The following PCDHGA8 variants were observed in gnomAD, a reference collection of about 807,000 sequenced individuals.
The protein encoded by PCDHGA8 is protocadherin gamma-A8.
PCDHGA8 carries 45 observed loss-of-function variants against 59.2 expected under a neutral mutation model. The ratio of observed to expected loss-of-function variants is 0.76; its 90% CI spans 0.60 to 0.98. PCDHGA8 has a LOEUF of 0.98. Among genes scored for constraint, PCDHGA8 ranks in the 50% least tolerant of loss-of-function variants. PCDHGA8 has a pLI of 0.00. For synonymous variants in PCDHGA8, 531 were observed against 519.0 expected (o/e 1.02, Z -0.32); for missense variants, 1,257 against 1,196.2 (o/e 1.05, Z -0.75).
intron 1 of PCDHGA8, chr5:141,419,616 A>G (rs1291494618): frequency 6.2e-7 from 1 of 1,612,086 alleles, no homozygotes; most frequent in African/African-American, 1.3e-5. Flanking sequence ...CAGCCAGGCT[A>G]CCTGGTGACC....
chr5:141,483,501 G>A (rs1022338958), intron 1 of PCDHGA8, among the ~76,000 whole-genome samples: 2 of 150,394 alleles, frequency 1.3e-5, no homozygotes, highest in Admixed American at 1.3e-4. Context: ...ATGAGTCAAG[G>A]CTGATCCCCC....
chr5:141,502,884 A>T (rs2099816871), intron 2 of PCDHGA8, among the ~76,000 whole-genome samples: 1 of 36,804 alleles, frequency 2.7e-5, no homozygotes, highest in African/African-American at 3.5e-4. Context: ...TTTTTTTGAC[A>T]GGGAGTCTAG....
chr5:141,392,821 C>G lies in PCDHGA8; in HGVS notation c.8C>G (p.Ala3Gly). The G allele has an allele frequency of 6.3e-7, 1 of 1,594,632 alleles. No homozygotes were observed. The highest frequency in any genetic ancestry group is 8.5e-7 in the Non-Finnish European group (1 of 1,170,904). MAAPQSRPRRGEL... is the reference protein window; with the variant it reads MAGPQSRPRRGEL... Reference sequence around the variant, plus strand: ...TTCTGCAGCAAAACAACAATGGCCGCTCCACAGAGTCGCCCCAGACGCGGC... The same window carrying G: ...TTCTGCAGCAAAACAACAATGGCCGGTCCACAGAGTCGCCCCAGACGCGGC... The change falls in exon 1 of 4, where the codon GCT becomes GGT. Residue 3 changes from alanine to glycine, a missense_variant. By Grantham distance (60) the Ala-to-Gly change is moderately conservative (BLOSUM62 0). Transcript: ENST00000398604.
chr5:141,411,568 AG>A (rs2095500132), intron 1 of PCDHGA8: 1 of 152,232 alleles, frequency 6.6e-6, no homozygotes, highest in South Asian at 2.1e-4. Context: ...TGGGCGACAG[AG>A]TGCGACCCTG....
chr5:141,456,427 T>A (rs1156577293), intron 1 of PCDHGA8, among the ~76,000 whole-genome samples: 1 of 152,166 alleles, frequency 6.6e-6, no homozygotes, highest in East Asian at 1.9e-4. Context: ...ATTCAAGTTA[T>A]AGTATTGAGT....
At chr5:141,428,333 T>A in intron 1 of PCDHGA8, 1 of 618,518 alleles carries the variant, frequency 1.6e-6, no homozygotes, top group Non-Finnish European at 2.9e-6. Context: ...ATTTCTATGC[T>A]CTTCTTCCTC....
At position 141,413,315 on chromosome 5, in the gene PCDHGA8, C is replaced by G. The variant is rs747758921; in HGVS notation, c.2424+18078C>G. The stretch of plus-strand genomic sequence containing the variant: ...ATTCCTGAGGAATTAGAGAAAGGCT[C>G]TTTCGTGGGCAACATCTCCAAGGAC... On this transcript the variant is annotated intron_variant, in intron 1 of 3. Transcript: ENST00000398604. 6 of 1,613,976 alleles carry G rather than the reference C, an allele frequency of 3.7e-6. No individual in the cohort carries two copies. The South Asian group carries it at 5.5e-5, about 15-fold the overall frequency.
intron 1 of PCDHGA8, chr5:141,400,256 G>A (rs756430299): frequency 9.9e-6 from 16 of 1,613,986 alleles, no homozygotes; most frequent in Admixed American, 1.7e-5. Context: ...GTTGCCTTGC[G>A]CCTGCGACGC....
intron 3 of PCDHGA8, among the ~76,000 whole-genome samples, chr5:141,505,697 C>T (rs540949327): frequency 1.4e-4 from 21 of 152,198 alleles, no homozygotes; most frequent in Admixed American, 7.2e-4. Context: ...TGGAGGAGAG[C>T]GAACAAGGAA....
At chr5:141,433,866 T>C (rs1191114798) in intron 1 of PCDHGA8, among the ~76,000 whole-genome samples, 1 of 151,870 alleles carries the variant, frequency 6.6e-6, no homozygotes, top group African/African-American at 2.4e-5. Context: ...CTTTATCCTC[T>C]AGTTTCATCC....
chr5:141,400,058 ATGG>A (rs2093953327), intron 1 of PCDHGA8: 1 of 1,613,570 alleles, frequency 6.2e-7, no homozygotes, highest in Admixed American at 1.7e-5. Flanking sequence ...GCTGTGCGTG[ATGG>A]TGGACAGCCG....
chr5:141,474,188 T>C (rs1203777014), intron 1 of PCDHGA8, among the ~76,000 whole-genome samples: 1 of 152,216 alleles, frequency 6.6e-6, no homozygotes, highest in Non-Finnish European at 1.5e-5. Context: ...CTACTTACAT[T>C]TTTAAAAGCT....
chr5:141,412,975 C>G (rs1221821871), intron 1 of PCDHGA8: 3 of 532,642 alleles, frequency 5.6e-6, no homozygotes, highest in Non-Finnish European at 9.7e-6. Flanking sequence ...AGAGAAAACG[C>G]AGCCAGAGCT....
At chr5:141,429,240 TGA>T (rs998506084) in intron 1 of PCDHGA8, 1 of 151,858 alleles carries the variant, frequency 6.6e-6, no homozygotes, top group Non-Finnish European at 1.5e-5. Context: ...CTGCTGTCAT[TGA>T]GATATTTTAA....
chr5:141,468,505 C>A (rs1293623271), intron 1 of PCDHGA8: 1 of 152,020 alleles, frequency 6.6e-6, no homozygotes, highest in East Asian at 1.9e-4. Context: ...TTCATGTGGA[C>A]AAATTTAGTA....
At chr5:141,497,741 G>A (rs767561907) in intron 2 of PCDHGA8, among the ~76,000 whole-genome samples, 24 of 152,050 alleles carry the variant, frequency 1.6e-4, no homozygotes, top group Non-Finnish European at 2.6e-4. Context: ...GTTTCGCCAC[G>A]TTGGCCAGGC....
chr5:141,485,105 G>A lies in PCDHGA8; in HGVS notation c.2425-9702G>A. On this transcript the variant is annotated intron_variant, in intron 1 of 3. Transcript: ENST00000398604. The surrounding 1 kb of genome is among the most constrained non-coding windows in gnomAD (Gnocchi z 5.7). ...AGGGAGATAGGTGTCTCCAGCTGCT[G>A]TGGCTGTTTGGGGCGGGTCGGCTTC... 8.3e-7 allele frequency: 1 copy of A among 1,205,940 alleles called. No individual in the cohort carries two copies. Among genetic ancestry groups the A allele is most frequent in the Non-Finnish European group, 1.2e-6 (1 of 827,784 alleles). The allele number at this position is 1,205,940 out of a possible 1,614,324, so 74.7% of individuals were successfully genotyped here.
intron 1 of PCDHGA8, chr5:141,410,024 G>A (rs771946302): frequency 1.9e-6 from 3 of 1,613,164 alleles, no homozygotes; most frequent in South Asian, 1.1e-5. Context: ...GTCCTACCAC[G>A]TGCTGCAGGC....
intron 1 of PCDHGA8, among the ~76,000 whole-genome samples, chr5:141,460,912 G>GTGTATA (rs145509489): frequency 0.032 from 4,842 of 149,286 alleles, 90 homozygotes; most frequent in Middle Eastern, 0.083. Flanking sequence ...ATTCCATGGT[G>GTGTATA]TATATATATA....
Sources: gnomAD v4.1 joint callset for allele counts (sites outside exome capture counted in the v4.1 genomes callset) on GRCh38, gnomAD v4.1.1 for gene constraint, Gnocchi (gnomAD v3.1) non-coding constraint, MANE v1.5 for transcripts, NCBI Gene and HGNC (gene_info 2026-07-23, HGNC 2026-07-21) for gene names.